The following PRIM2 variants were observed in gnomAD, a reference collection of about 807,000 sequenced individuals.
The protein encoded by PRIM2 is DNA primase large subunit.
Under a neutral mutation model 67.3 loss-of-function variants are expected in PRIM2, and 39 were observed. That is an observed-to-expected ratio of 0.58 (90% CI 0.45 to 0.76). The LOEUF (loss-of-function observed/expected upper bound fraction) is 0.76. Among genes scored for constraint, PRIM2 ranks in the 30% least tolerant of loss-of-function variants. The probability of loss-of-function intolerance (pLI) is 0.00; values close to 1 mark genes in which losing one functional copy is unlikely to be tolerated. For synonymous variants in PRIM2, 143 were observed against 198.7 expected (o/e 0.72, Z 2.36); for missense variants, 398 against 598.7 (o/e 0.66, Z 3.50).
At chr6:57,448,730 T>A (rs1226647151) in intron 7 of PRIM2, among the ~76,000 whole-genome samples, 3 of 152,314 alleles carry the variant, frequency 2.0e-5, no homozygotes, top group South Asian at 2.1e-4. Flanking sequence ...CAGAAAGGAA[T>A]GTTTAAGATA....
chr6:57,439,602 A>T (rs988403716), intron 7 of PRIM2, among the ~76,000 whole-genome samples: 1 of 151,518 alleles, frequency 6.6e-6, no homozygotes, highest in Non-Finnish European at 1.5e-5. Flanking sequence ...TTTAGTAGAG[A>T]TGGGGTTTTG....
the PRIM2 span, among the ~76,000 whole-genome samples, chr6:57,255,497 CAA>C: frequency 3.4e-3 from 437 of 130,112 alleles, no homozygotes; most frequent in Middle Eastern, 4.1e-3. Context: ...GACTCTATCT[CAA>C]AAAAAAAAAA....
chr6:57,365,949 CAAAAA>C (rs5876544), intron 5 of PRIM2, among the ~76,000 whole-genome samples: 5,210 of 62,204 alleles, frequency 0.084, 107 homozygotes, highest in African/African-American at 0.17. Context: ...GACCATATCT[CAAAAA>C]AAAAAAAAAA....
chr6:57,532,242 T>C (rs1381873928), intron 8 of PRIM2, among the ~76,000 whole-genome samples, 169 bp from the exon 9 acceptor site: 1 of 152,228 alleles, frequency 6.6e-6, no homozygotes, highest in African/African-American at 2.4e-5. Flanking sequence ...GTAAGTTACT[T>C]AAATTAATTT....
chr6:57,568,792 C>T (rs1404352009), intron 10 of PRIM2, among the ~76,000 whole-genome samples: 2 of 152,172 alleles, frequency 1.3e-5, no homozygotes, highest in African/African-American at 4.8e-5. Context: ...GCGTTTTCAA[C>T]TATGCTGGTT....
At chr6:57,542,939 ATTTT>A (rs1193756482) in intron 10 of PRIM2, among the ~76,000 whole-genome samples, 4 of 71,930 alleles carry the variant, frequency 5.6e-5, no homozygotes, top group Non-Finnish European at 1.0e-4. Flanking sequence ...TGCTTATAGG[ATTTT>A]TTTTTTTTTT....
chr6:57,622,815 A>G (rs1478278383), intron 12 of PRIM2, among the ~76,000 whole-genome samples: 3 of 152,188 alleles, frequency 2.0e-5, no homozygotes, highest in South Asian at 4.1e-4. Context: ...GTTAGTGACT[A>G]TATTAAATCC....
chr6:57,337,114 C>G (rs187587236), intron 5 of PRIM2, among the ~76,000 whole-genome samples: 5 of 151,942 alleles, frequency 3.3e-5, no homozygotes, highest in South Asian at 2.1e-4. Context: ...AGACAAAGCA[C>G]GCCATTACAT....
chr6:57,370,513 ATTTG>A (rs1769510297), intron 5 of PRIM2, among the ~76,000 whole-genome samples: 3 of 152,242 alleles, frequency 2.0e-5, no homozygotes, highest in Admixed American at 2.0e-4. Context: ...AAGATTTAGA[ATTTG>A]TTTGACAAAT....
At chr6:57,413,276 G>T (rs1390154825) in intron 7 of PRIM2, among the ~76,000 whole-genome samples, 2 of 151,804 alleles carry the variant, frequency 1.3e-5, no homozygotes, top group African/African-American at 4.8e-5. Flanking sequence ...AAATGGAGGG[G>T]AATAAATTTG....
chr6:57,643,698 G>T (rs1777286944), intron 13 of PRIM2, among the ~76,000 whole-genome samples: 1 of 152,180 alleles, frequency 6.6e-6, no homozygotes, highest in African/African-American at 2.4e-5. Flanking sequence ...GTTCACAAAT[G>T]ATTCCATTGT....
intron 13 of PRIM2, among the ~76,000 whole-genome samples, chr6:57,632,555 G>A (rs1777054875): frequency 1.3e-5 from 2 of 152,012 alleles, no homozygotes; most frequent in African/African-American, 4.8e-5. Flanking sequence ...CTGCGTCACA[G>A]CTACTCAACT....
At chr6:57,251,666 G>T in the PRIM2 span, among the ~76,000 whole-genome samples, 1 of 152,236 alleles carries the variant, frequency 6.6e-6, no homozygotes, top group Non-Finnish European at 1.5e-5. Context: ...AAGGGGAAAT[G>T]AGCTGGGCAG....
chr6:57,234,823 C>A, the PRIM2 span, among the ~76,000 whole-genome samples: 1 of 152,120 alleles, frequency 6.6e-6, no homozygotes, highest in East Asian at 1.9e-4. Flanking sequence ...ATGCCCAGCC[C>A]TGATGTGTTT....
intron 4 of PRIM2, among the ~76,000 whole-genome samples, chr6:57,324,709 G>T (rs1182798331): frequency 2.0e-5 from 3 of 152,070 alleles, no homozygotes; most frequent in African/African-American, 7.2e-5. Flanking sequence ...TTTGGTAGTT[G>T]GTTTCTTTTA....
At chr6:57,428,834 A>G (rs1119375) in intron 7 of PRIM2, among the ~76,000 whole-genome samples, 61,873 of 152,078 alleles carry the variant, frequency 0.41, 13,593 homozygotes, top group South Asian at 0.57. Flanking sequence ...TTATATAACC[A>G]TAGTGTTAGT....
intron 8 of PRIM2, 122 bp downstream of exon 8, chr6:57,507,576 T>C: frequency 8.6e-7 from 1 of 1,169,084 alleles, no homozygotes; most frequent in East Asian, 2.6e-5. Context: ...CTTGCTTTCA[T>C]TCCATTATTC....
At chr6:57,637,288 CA>C (rs1203106110) in intron 13 of PRIM2, among the ~76,000 whole-genome samples, 24 of 152,252 alleles carry the variant, frequency 1.6e-4, no homozygotes, top group Admixed American at 1.6e-3. Flanking sequence ...AGATAAATCA[CA>C]AAGACTGGGA....
chr6:57,550,385 G>T (rs1340416660), intron 10 of PRIM2, among the ~76,000 whole-genome samples: 1 of 152,034 alleles, frequency 6.6e-6, no homozygotes, highest in African/African-American at 2.4e-5. Context: ...ACTTGAACAG[G>T]TTGGGCTTGC....
Sources: allele counts gnomAD v4.1 joint callset (sites outside exome capture counted in the v4.1 genomes callset), GRCh38; gene constraint gnomAD v4.1.1; transcripts MANE v1.5; gene names NCBI Gene and HGNC (gene_info 2026-07-23, HGNC 2026-07-21).